WDPCP: variants seen among roughly 807,000 people sequenced by gnomAD.
WDPCP encodes the protein WD repeat containing planar cell polarity effector.
Under a neutral mutation model 93.1 loss-of-function variants are expected in WDPCP, and 71 were observed. The ratio of observed to expected loss-of-function variants is 0.76; its 90% CI spans 0.63 to 0.93. The LOEUF (loss-of-function observed/expected upper bound fraction) is 0.93. Ranked by LOEUF, WDPCP falls within the 40% of genes least tolerant of loss-of-function variation. WDPCP has a pLI of 0.00. For synonymous variants in WDPCP, 315 were observed against 315.0 expected, an observed-to-expected ratio of 1.00 and a Z score of 0.00; for missense variants, 844 against 887.4, an observed-to-expected ratio of 0.95 and a Z score of 0.62.
intron 15 of WDPCP, among the ~76,000 whole-genome samples, chr2:63,173,268 CAAA>C (rs10714315): frequency 1.2e-4 from 15 of 123,958 alleles, no homozygotes; most frequent in Non-Finnish European, 1.2e-4. Flanking sequence ...AACTCTGTCG[CAAA>C]AAAAAAAAAA....
intron 14 of WDPCP, among the ~76,000 whole-genome samples, chr2:63,240,200 A>G (rs1239984170): frequency 6.6e-6 from 1 of 152,056 alleles, no homozygotes; most frequent in Non-Finnish European, 1.5e-5. Context: ...TTTTTTATAG[A>G]CAGGGTCTCG....
intron 2 of WDPCP, among the ~76,000 whole-genome samples, chr2:63,690,186 A>T (rs1300063115): frequency 6.6e-6 from 1 of 152,232 alleles, no homozygotes; most frequent in African/African-American, 2.4e-5. Context: ...CTAACAGGTT[A>T]TTTTAATTAA....
chr2:63,587,682 T>C (rs1028944880), intron 1 of WDPCP, among the ~76,000 whole-genome samples: 4 of 152,244 alleles, frequency 2.6e-5, no homozygotes, highest in Non-Finnish European at 5.9e-5. Flanking sequence ...AGCAATTCTC[T>C]TGGCAGCATT....
intron 2 of WDPCP, among the ~76,000 whole-genome samples, chr2:63,776,485 T>C (rs1473497251): frequency 1.3e-5 from 2 of 151,826 alleles, no homozygotes; most frequent in Admixed American, 1.3e-4. Flanking sequence ...TAAAACCCCA[T>C]ATCTACAAAA....
intron 1 of WDPCP, among the ~76,000 whole-genome samples, chr2:63,521,362 A>C (rs566341792): frequency 6.6e-6 from 1 of 152,304 alleles, no homozygotes; most frequent in South Asian, 2.1e-4. Context: ...GATGGAGAAA[A>C]ATCTACCAAA....
intron 2 of WDPCP, among the ~76,000 whole-genome samples, chr2:63,660,448 T>C (rs759300188): frequency 3.3e-5 from 5 of 152,224 alleles, no homozygotes; most frequent in Non-Finnish European, 5.9e-5. Context: ...GTAGTTTTAC[T>C]AAGAACATGG....
At chr2:63,525,907 T>C (rs371396967) in intron 1 of WDPCP, among the ~76,000 whole-genome samples, 6 of 152,192 alleles carry the variant, frequency 3.9e-5, no homozygotes, top group African/African-American at 1.2e-4. Flanking sequence ...GTCTGTAATA[T>C]AGGTAAGTCC....
intron 9 of WDPCP, among the ~76,000 whole-genome samples, chr2:63,425,516 C>T (rs909842113): frequency 1.3e-5 from 2 of 152,140 alleles, no homozygotes; most frequent in East Asian, 3.9e-4. Flanking sequence ...ATAAAACAGC[C>T]ATTTTAAGAA....
intron 12 of WDPCP, among the ~76,000 whole-genome samples, chr2:63,352,370 T>TA (rs1198507727): frequency 6.6e-6 from 1 of 152,190 alleles, no homozygotes; most frequent in African/African-American, 2.4e-5. Flanking sequence ...TATTCTTATC[T>TA]AAAAGGCAAG....
the WDPCP span, among the ~76,000 whole-genome samples, chr2:63,837,112 C>T: frequency 6.6e-6 from 1 of 152,300 alleles, no homozygotes; most frequent in African/African-American, 2.4e-5. Context: ...AAATTCACAA[C>T]TTGTTTCAGC....
At chr2:63,138,047 G>T (rs1670760091) in intron 17 of WDPCP, among the ~76,000 whole-genome samples, 1 of 143,986 alleles carries the variant, frequency 6.9e-6, no homozygotes, top group East Asian at 2.1e-4. Context: ...TGGCCTTTTG[G>T]ACTCTTTTTA....
At chr2:63,716,829 C>A (rs529821451) in intron 2 of WDPCP, among the ~76,000 whole-genome samples, 10 of 152,246 alleles carry the variant, frequency 6.6e-5, no homozygotes, top group African/African-American at 2.4e-4. Flanking sequence ...TAATTAAAGG[C>A]CAAAGGATTG....
chr2:63,724,976 A>G (rs1669476756), intron 2 of WDPCP, among the ~76,000 whole-genome samples: 1 of 152,242 alleles, frequency 6.6e-6, no homozygotes, highest in South Asian at 2.1e-4. Flanking sequence ...ATTTTAAAAA[A>G]TAATAACCTG....
In WDPCP at chr2:63,683,800, G is replaced by A. The variant is rs1342945853; in HGVS notation, n.309-32962C>T. ...GGAGGCGGAGGTTGCAGTGAGCCAAGATTGTGCCACTGCACTCCAGCCTGG... is the reference window on the plus strand; with the variant it reads ...GGAGGCGGAGGTTGCAGTGAGCCAAAATTGTGCCACTGCACTCCAGCCTGG... On this transcript the variant is annotated intron_variant and non_coding_transcript_variant, in intron 2 of 4. Coordinates refer to the WDPCP transcript ENST00000467687. Among the ~76,000 whole-genome samples the A allele has an allele frequency of 2.0e-5, 3 of 151,044 alleles. No individual in the cohort carries two copies. The East Asian group carries it at 5.8e-4, about 29-fold the overall frequency.
chr2:63,312,894 C>A (rs567664464), intron 13 of WDPCP, among the ~76,000 whole-genome samples: 3 of 151,968 alleles, frequency 2.0e-5, no homozygotes, highest in African/African-American at 7.2e-5. Flanking sequence ...GCCCTATGTC[C>A]TGGATTCTAT....
At chr2:63,263,493 C>T (rs1681830386) in intron 13 of WDPCP, among the ~76,000 whole-genome samples, 1 of 152,160 alleles carries the variant, frequency 6.6e-6, no homozygotes, top group African/African-American at 2.4e-5. Context: ...TGCCGTCTAC[C>T]CTTCACCATG....
chr2:63,524,728 C>T (rs1338586217), intron 1 of WDPCP, among the ~76,000 whole-genome samples: 1 of 152,052 alleles, frequency 6.6e-6, no homozygotes, highest in Non-Finnish European at 1.5e-5. Context: ...AAAAGCAATG[C>T]AATAAAAGCA....
intron 6 of WDPCP, among the ~76,000 whole-genome samples, chr2:63,453,015 T>C (rs1022051498): frequency 2.0e-5 from 3 of 152,150 alleles, no homozygotes; most frequent in Non-Finnish European, 4.4e-5. Flanking sequence ...GGCAATACCA[T>C]TCAGGACATA....
intron 6 of WDPCP, among the ~76,000 whole-genome samples, chr2:63,467,844 A>G (rs191499210): frequency 1.5e-4 from 23 of 151,840 alleles, no homozygotes; most frequent in Non-Finnish European, 2.6e-4. Context: ...TATTAAACTC[A>G]CTAGCTGAAC....
Sources: gnomAD v4.1 joint callset for allele counts (sites outside exome capture counted in the v4.1 genomes callset) on GRCh38, gnomAD v4.1.1 for gene constraint, MANE v1.5 for transcripts, NCBI Gene and HGNC (gene_info 2026-07-23, HGNC 2026-07-21) for gene names.